Variants in L1TD1 observed in about 807,000 individuals in gnomAD.
The protein encoded by L1TD1 is LINE1 type transposase domain containing 1.
L1TD1 carries 26 observed loss-of-function variants against 25.7 expected under a neutral mutation model. That is an observed-to-expected ratio of 1.01 (90% CI 0.74 to 1.40). The LOEUF is 1.40. L1TD1 is among the 40% of genes most tolerant of loss of function. The pLI is 0.00. For synonymous variants in L1TD1, 421 were observed against 335.6 expected, an observed-to-expected ratio of 1.25 and a Z score of -2.78; for missense variants, 1,130 against 975.0, an observed-to-expected ratio of 1.16 and a Z score of -2.12.
At chr1:62,197,397 T>TTTATATATA (rs1269544269) in intron 2 of L1TD1, among the ~76,000 whole-genome samples, 4 of 80,858 alleles carry the variant, frequency 4.9e-5, no homozygotes, top group Non-Finnish European at 1.0e-4. Context: ...AAAAAATAAA[T>TTTATATATA]TATATATATA....
chr1:62,203,848 G>A (rs1160023081), intron 2 of L1TD1, among the ~76,000 whole-genome samples: 1 of 152,096 alleles, frequency 6.6e-6, no homozygotes, highest in Non-Finnish European at 1.5e-5. Context: ...GCCTCCCAGA[G>A]TGTTGGGATT....
intron 2 of L1TD1, among the ~76,000 whole-genome samples, chr1:62,199,675 C>G (rs1471585713): frequency 7.1e-6 from 1 of 141,412 alleles, no homozygotes; most frequent in African/African-American, 3.2e-5. Context: ...AAGACCCTGT[C>G]TCTTTTAAAA....
Position 62,206,826 on chromosome 1 carries a change from TGAG to T in L1TD1, c.202_204del (p.Glu68del). On this transcript the variant is annotated inframe_deletion, in exon 3 of 4. Coordinates refer to ENST00000498273, the MANE Select transcript of L1TD1 (RefSeq NM_019079.5). ...TAATGGAAATTCAAGACCTGATGTT[TGAG>T]GAGATGAGGGAAACTCTTAAAAATG... 3 of 1,607,224 alleles carry T rather than the reference TGAG, an allele frequency of 1.9e-6. No individual in the cohort carries two copies. Among genetic ancestry groups the T allele is most frequent in the South Asian group, 1.1e-5 (1 of 90,386 alleles).
At chr1:62,205,176 G>A (rs1002216128) in intron 2 of L1TD1, among the ~76,000 whole-genome samples, 31 of 150,994 alleles carry the variant, frequency 2.1e-4, no homozygotes, top group Admixed American at 1.9e-3. Flanking sequence ...GTGAAACCTC[G>A]TCTCCACTAA....
In L1TD1 at chr1:62,210,633, G is replaced by T. The variant is rs896285167; in HGVS notation, c.1859G>T (p.Ser620Ile). 22 of 1,588,980 alleles carry T rather than the reference G, an allele frequency of 1.4e-5. No individual in the cohort carries two copies. Among genetic ancestry groups the T allele is most frequent in the Non-Finnish European group, 1.7e-5 (20 of 1,167,042 alleles). Reference protein sequence around the residue: ...TEETEENLRSSVINSIREIKE... With the variant: ...TEETEENLRSIVINSIREIKE... ...GAAACAGAAGAAAACTTGAGAAGTAGTGTGATTAATAGCATCAGAGAGATA... is the reference window on the plus strand; with the variant it reads ...GAAACAGAAGAAAACTTGAGAAGTATTGTGATTAATAGCATCAGAGAGATA... Residue 620 changes from serine to isoleucine, a missense_variant, in exon 4 of 4, where the codon AGT (serine) becomes ATT (isoleucine). By Grantham distance (142) the Ser-to-Ile change is moderately radical. Coordinates refer to ENST00000498273, the MANE Select transcript of L1TD1 (RefSeq NM_019079.5).
At chr1:62,201,472 G>A (rs1452655520) in intron 2 of L1TD1, among the ~76,000 whole-genome samples, 2 of 144,352 alleles carry the variant, frequency 1.4e-5, no homozygotes, top group Admixed American at 7.2e-5. Context: ...CTCCAACCTC[G>A]GCGAGTGAGA....
rs137939193 is a variant in L1TD1 at position 62,210,019 on chromosome 1, GGAAGAA to G, written c.1254_1259del (p.Glu419_Glu420del). On this transcript the variant is annotated inframe_deletion, in exon 4 of 4. Coordinates refer to ENST00000498273, the MANE Select transcript of L1TD1 (RefSeq NM_019079.5). Reference sequence around the variant, plus strand: ...AGGAAGAGCCCTCAGGGCTGGAGGAGGAAGAAGAAGAAGAGGCTTCAGGGTTGGAGG... The same window carrying G: ...AGGAAGAGCCCTCAGGGCTGGAGGAGGAAGAAGAGGCTTCAGGGTTGGAGG... The G allele has an allele frequency of 5.6e-6, 9 of 1,600,270 alleles. No homozygotes were observed. In the African/African-American group the frequency reaches 1.1e-4, roughly 19 times the overall value.
rs571103742 is a variant in L1TD1 at position 62,195,789 on chromosome 1, A to G, written c.-204-646A>G. Among the ~76,000 whole-genome samples the G allele has an allele frequency of 2.0e-3, 304 of 152,250 alleles. 1 individual carries two copies. The highest frequency in any genetic ancestry group is 3.4e-3 in the Non-Finnish European group (228 of 68,014). The stretch of plus-strand genomic sequence containing the variant: ...TGGAGGGCCGGGCGTGTTATTTTCC[A>G]GCACTTTGGGAGGCCGAGGCGGGGG... On this transcript the variant is annotated intron_variant, in intron 1 of 3. Transcript: ENST00000498273.
chr1:62,201,365 CTA>C (rs1243819771), intron 2 of L1TD1, among the ~76,000 whole-genome samples: 2 of 151,922 alleles, frequency 1.3e-5, no homozygotes, highest in East Asian at 3.9e-4. Context: ...AAGTAGAAGT[CTA>C]TTTCACCAGG....
chr1:62,207,567 G>T lies in L1TD1; in HGVS notation c.939G>T (p.Leu313=). The T allele has an allele frequency of 6.4e-7, 1 of 1,550,780 alleles. No individual in the cohort carries two copies. The highest frequency in any genetic ancestry group is 1.2e-5 in the South Asian group (1 of 83,866). The change falls in exon 3 of 4, where the codon CTG becomes CTT. Residue 313 remains leucine (L), a synonymous_variant. Coordinates refer to ENST00000498273, the MANE Select transcript of L1TD1 (RefSeq NM_019079.5). ...AAAAATCTTCTGTGAAAGAATTACT[G>T]AAAGATGTACTCCCACAAAAGGAAG... ...ASQKSSVKEL[L]KDVLPQKEEI... is the part of the protein sequence containing the mutation.
intron 3 of L1TD1, 49 bp from the exon 4 acceptor site, chr1:62,209,732 CAA>C (rs1257324450): frequency 7.5e-7 from 1 of 1,331,298 alleles, no homozygotes; most frequent in African/African-American, 1.5e-5. Context: ...CTTTAAAAGA[CAA>C]ATGATTTAAA....
At chr1:62,197,905 C>T (rs1434403737) in intron 2 of L1TD1, among the ~76,000 whole-genome samples, 1 of 146,916 alleles carries the variant, frequency 6.8e-6, no homozygotes, top group Non-Finnish European at 1.5e-5. Flanking sequence ...CAAAACAAAA[C>T]AAAACCCTGT....
intron 2 of L1TD1, among the ~76,000 whole-genome samples, chr1:62,201,316 T>A (rs1202629621): frequency 6.6e-6 from 1 of 152,048 alleles, no homozygotes. Flanking sequence ...TGTAGAAGTT[T>A]ACCCTTGTTT....
At position 62,211,657 on chromosome 1, in the gene L1TD1, C is replaced by G. The variant is rs1359945036; in HGVS notation, c.*285C>G. The G allele has an allele frequency of 3.7e-6, 1 of 271,762 alleles. No individual in the cohort carries two copies. The highest frequency in any genetic ancestry group is 6.7e-6 in the Non-Finnish European group (1 of 148,544). 16.8% of individuals were successfully genotyped at this position (271,762 alleles called of 1,614,324 possible). A position where few individuals can be genotyped will look rare whatever the true frequency, so the allele number is the denominator to read the frequency against. ...CCCACCACCTCCCTACTGCAGTTGA[C>G]TAGTCTTTTTAGAATTTATATTATC... On this transcript the variant is annotated 3_prime_UTR_variant, in exon 4 of 4. Coordinates refer to ENST00000498273, the MANE Select transcript of L1TD1 (RefSeq NM_019079.5).
intron 2 of L1TD1, among the ~76,000 whole-genome samples, chr1:62,203,348 T>C (rs1301957239): frequency 6.6e-6 from 1 of 152,176 alleles, no homozygotes; most frequent in African/African-American, 2.4e-5. Flanking sequence ...TAGATTATTT[T>C]TGTACCCATT....
intron 2 of L1TD1, among the ~76,000 whole-genome samples, chr1:62,199,064 C>T (rs1453157042): frequency 2.0e-5 from 3 of 152,198 alleles, no homozygotes; most frequent in African/African-American, 7.2e-5. Context: ...CTTGTACCAG[C>T]CTCTGCTTTC....
chr1:62,210,766 C>T lies in L1TD1; in HGVS notation c.1992C>T (p.Asp664=). ...SRMDILEERI[D]SLEDQIEEFS... ...TGGACATACTTGAAGAAAGAATAGA[C>T]AGTCTAGAAGATCAAATTGAAGAAT... The change falls in exon 4 of 4, where the codon GAC becomes GAT. Residue 664 remains aspartate, a synonymous_variant. Transcript: ENST00000498273. The T allele has an allele frequency of 6.4e-7, 1 of 1,551,318 alleles. No individual in the cohort carries two copies. Among genetic ancestry groups the T allele is most frequent in the Non-Finnish European group, 8.7e-7 (1 of 1,146,926 alleles).
chr1:62,202,057 T>A (rs1354953374), intron 2 of L1TD1, among the ~76,000 whole-genome samples: 1 of 152,152 alleles, frequency 6.6e-6, no homozygotes, highest in Non-Finnish European at 1.5e-5. Context: ...TCCCAGCACT[T>A]TGGGAGGCCG....
intron 2 of L1TD1, among the ~76,000 whole-genome samples, chr1:62,201,996 ATTTAC>A (rs892844078): frequency 4.6e-5 from 7 of 152,118 alleles, no homozygotes; most frequent in African/African-American, 1.7e-4. Context: ...GGTTTTTAAA[ATTTAC>A]TTAATTAAGA....
Sources: gnomAD v4.1 joint callset for allele counts (sites outside exome capture counted in the v4.1 genomes callset) on GRCh38, gnomAD v4.1.1 for gene constraint, MANE v1.5 for transcripts, NCBI Gene and HGNC (gene_info 2026-07-23, HGNC 2026-07-21) for gene names.